STXBP5L: variants seen among roughly 807,000 people sequenced by gnomAD.
STXBP5L encodes the protein syntaxin-binding protein 5-like.
Under a neutral mutation model 144.5 loss-of-function variants are expected in STXBP5L, and 65 were observed. The ratio of observed to expected loss-of-function variants is 0.45; its 90% confidence interval spans 0.37 to 0.55. The LOEUF (loss-of-function observed/expected upper bound fraction) is 0.55. STXBP5L is among the 20% of genes least tolerant of loss of function. STXBP5L has a pLI of 0.00. For missense variants in STXBP5L, 1,298 were observed against 1,405.5 expected (o/e 0.92, Z 1.22); for synonymous variants, 505 against 469.6 (o/e 1.08, Z -0.97).
rs184814098 is a variant in STXBP5L, at chr3:121,134,812, G to A, written c.669+13108G>A. On this transcript the variant is annotated intron_variant, in intron 7 of 26. Coordinates refer to ENST00000471454, the MANE Select transcript of STXBP5L (RefSeq NM_001308330.2). ...TCTTAATCCAGTCTATCATTGATGG[G>A]CATTTGGGTTGGTTCCAAGTCTTTG... Among the ~76,000 whole-genome samples the A allele has an allele frequency of 7.2e-4, 109 of 152,226 alleles. 1 individual carries two copies. The East Asian group carries it at 0.015, about 22-fold the overall frequency.
chr3:121,023,074 A>G (rs1945677012), intron 3 of STXBP5L, among the ~76,000 whole-genome samples: 2 of 152,162 alleles, frequency 1.3e-5, no homozygotes, highest in African/African-American at 4.8e-5. Flanking sequence ...AAAATAATGC[A>G]CACAAATCAG....
intron 6 of STXBP5L, among the ~76,000 whole-genome samples, chr3:121,118,253 A>T (rs2044313778): frequency 6.6e-6 from 1 of 151,782 alleles, no homozygotes; most frequent in African/African-American, 2.4e-5. Context: ...CATAAGAAGG[A>T]CATCTATTAT....
chr3:121,203,735 A>G (rs565600002), intron 9 of STXBP5L, among the ~76,000 whole-genome samples: 1 of 152,200 alleles, frequency 6.6e-6, no homozygotes, highest in Non-Finnish European at 1.5e-5. Context: ...ATGTATATTG[A>G]TTAAAAATGC....
chr3:121,393,593 T>G (rs924928108), intron 22 of STXBP5L, among the ~76,000 whole-genome samples: 1 of 152,232 alleles, frequency 6.6e-6, no homozygotes, highest in African/African-American at 2.4e-5. Context: ...TAATTCACCT[T>G]GAGTTACTTT....
chr3:121,227,161 G>A (rs1444257276), intron 11 of STXBP5L, among the ~76,000 whole-genome samples: 2 of 152,092 alleles, frequency 1.3e-5, no homozygotes, highest in Non-Finnish European at 2.9e-5. Context: ...TTCAATAGAG[G>A]ATACTTTACC....
chr3:121,404,694 G>A (rs961779725), intron 22 of STXBP5L, among the ~76,000 whole-genome samples: 3 of 152,048 alleles, frequency 2.0e-5, no homozygotes, highest in Admixed American at 6.6e-5. Context: ...TGCCAGTTTC[G>A]ATGCTGATAG....
At chr3:121,312,255 G>C (rs570858975) in intron 19 of STXBP5L, among the ~76,000 whole-genome samples, 3 of 151,628 alleles carry the variant, frequency 2.0e-5, no homozygotes, top group South Asian at 4.2e-4. Context: ...AGAAAACCTA[G>C]GCATTACCAT....
In STXBP5L at chr3:121,418,383, C is replaced by T; in HGVS notation, c.3273C>T (p.His1091=). The T allele has an allele frequency of 6.2e-7, 1 of 1,614,046 alleles. No individual in the cohort carries two copies. Among genetic ancestry groups the T allele is most frequent in the Non-Finnish European group, 8.5e-7 (1 of 1,179,942 alleles). ...AAGCATCCCGCAGCCTTGCGCAACA[C>T]ATTCCTGGACCAGGTAGTATAGAAG... ...AGKASRSLAQ[H]IPGPGSIEGM... is the part of the protein sequence containing the mutation. Residue 1091 remains histidine (H), a synonymous_variant, in exon 26 of 27, where the codon CAC becomes CAT. Coordinates refer to ENST00000471454, the MANE Select transcript of STXBP5L (RefSeq NM_001308330.2).
rs548996751 is a variant in STXBP5L at position 121,419,379 on chromosome 3, C to T, written c.*282C>T. 1.2e-4 allele frequency: 34 copies of T among 279,060 alleles called. No homozygotes were observed. Among genetic ancestry groups the T allele is most frequent in the Middle Eastern group, 1.0e-3 (1 of 1,000 alleles). The allele number at this position is 279,060 out of a possible 1,614,324, so 17.3% of individuals were successfully genotyped here. ...GATAAGGATTTATATTTAGTAACTA[C>T]GGGGAGTCCTCTTGATTTGAAAATT... On this transcript the variant is annotated 3_prime_UTR_variant, in exon 27 of 27. Transcript: ENST00000471454.
At chr3:121,023,048 A>G (rs1325787997) in intron 3 of STXBP5L, among the ~76,000 whole-genome samples, 1 of 152,158 alleles carries the variant, frequency 6.6e-6, no homozygotes, top group Non-Finnish European at 1.5e-5. Flanking sequence ...TAGATTCAGC[A>G]AAGTTTCAAG....
intron 3 of STXBP5L, among the ~76,000 whole-genome samples, chr3:120,989,085 G>T (rs1942581371): frequency 6.6e-6 from 1 of 152,016 alleles, no homozygotes; most frequent in South Asian, 2.1e-4. Flanking sequence ...CACTTAAGTT[G>T]ATTCCATATC....
chr3:121,029,922 A>G (rs955385910), intron 3 of STXBP5L, among the ~76,000 whole-genome samples: 3 of 152,192 alleles, frequency 2.0e-5, no homozygotes, highest in African/African-American at 4.8e-5. Context: ...CATACATATG[A>G]AAAAAAGCTC....
intron 3 of STXBP5L, among the ~76,000 whole-genome samples, chr3:120,993,837 T>C (rs188326751): frequency 2.3e-4 from 35 of 152,076 alleles, no homozygotes; most frequent in African/African-American, 7.9e-4. Context: ...TGTGAGAATA[T>C]CATTGATTTT....
intron 5 of STXBP5L, among the ~76,000 whole-genome samples, chr3:121,068,331 A>G (rs1360208285): frequency 6.6e-6 from 1 of 152,192 alleles, no homozygotes; most frequent in Non-Finnish European, 1.5e-5. Context: ...TACTTGGTGT[A>G]CCTAACATTT....
At chr3:120,995,422 A>T (rs1359878990) in intron 3 of STXBP5L, among the ~76,000 whole-genome samples, 2 of 152,262 alleles carry the variant, frequency 1.3e-5, no homozygotes, top group East Asian at 3.9e-4. Flanking sequence ...ATCTAGAATT[A>T]CAGGCATAAG....
intron 15 of STXBP5L, 30 bp downstream of exon 15, chr3:121,250,793 C>G (rs773767463): frequency 3.1e-6 from 5 of 1,588,974 alleles, no homozygotes; most frequent in African/African-American, 1.4e-5. Flanking sequence ...ACAACAGAAA[C>G]CAATTGGTTA....
intron 19 of STXBP5L, among the ~76,000 whole-genome samples, chr3:121,315,125 C>G (rs1316039019): frequency 1.3e-5 from 2 of 152,076 alleles, no homozygotes; most frequent in Admixed American, 6.6e-5. Context: ...CCCAGCCATC[C>G]CATTACTGGG....
At chr3:121,249,816 A>G (rs191627715) in intron 14 of STXBP5L, among the ~76,000 whole-genome samples, 1 of 152,024 alleles carries the variant, frequency 6.6e-6, no homozygotes, top group Non-Finnish European at 1.5e-5. Context: ...ATGTTAGGAG[A>G]TATCTGTAGG....
chr3:121,297,494 C>CT (rs2051703289), intron 19 of STXBP5L, among the ~76,000 whole-genome samples: 1 of 152,146 alleles, frequency 6.6e-6, no homozygotes, highest in African/African-American at 2.4e-5. Context: ...TGGCTCACGC[C>CT]TATAATCCTA....
Sources: allele counts gnomAD v4.1 joint callset (sites outside exome capture counted in the v4.1 genomes callset), GRCh38; gene constraint gnomAD v4.1.1; transcripts MANE v1.5; gene names NCBI Gene and HGNC (gene_info 2026-07-23, HGNC 2026-07-21).